The following SAMD13 variants were observed in gnomAD, a reference collection of about 807,000 sequenced individuals.
The protein encoded by SAMD13 is sterile alpha motif domain-containing protein 13.
Under a neutral mutation model 12.4 loss-of-function variants are expected in SAMD13, and 9 were observed. That is an observed-to-expected ratio of 0.72 (90% confidence interval 0.44 to 1.26). The LOEUF (loss-of-function observed/expected upper bound fraction) is 1.26, where lower values mean the gene tolerates loss of function less well. SAMD13 is among the 50% of genes most tolerant of loss of function. The pLI, the probability that SAMD13 is intolerant of heterozygous loss-of-function variation, is 0.00. For synonymous variants in SAMD13, 46 were observed against 45.4 expected, an observed-to-expected ratio of 1.01 and a Z score of -0.05; for missense variants, 84 against 119.6, an observed-to-expected ratio of 0.70 and a Z score of 1.39.
rs1558456209 is a variant in SAMD13, at chr1:84,331,353, A to AT, written c.165+5605_165+5606insT. Among the ~76,000 whole-genome samples, 339 of 104,290 alleles carry AT rather than the reference A, an allele frequency of 3.3e-3. 46 individuals carry two copies. Among genetic ancestry groups the AT allele is most frequent in the African/African-American group, 0.013 (328 of 25,198 alleles). The allele number at this position is 104,290 out of a possible 152,430, so 68.4% of individuals were successfully genotyped here. A position where few individuals can be genotyped will look rare whatever the true frequency, so the allele number is the denominator to read the frequency against. ...TAAAAAAAAAAAAAAAAAAAAAAAA[A>AT]AAAAATTATGGATACAAACTTGTTA... On this transcript the variant is annotated intron_variant, in intron 3 of 3. Coordinates refer to ENST00000394834, the MANE Select transcript of SAMD13 (RefSeq NM_001134663.2).
At chr1:84,300,400 A>G (rs192213631), upstream of SAMD13, among the ~76,000 whole-genome samples, 1,067 of 152,286 alleles carry the variant, frequency 7.0e-3, 22 homozygotes, top group South Asian at 0.038. Context: ...TAAAGAACAA[A>G]TTTTTTGACC....
intron 2 of SAMD13, among the ~76,000 whole-genome samples, chr1:84,315,713 A>G (rs1056262256): frequency 2.6e-5 from 4 of 152,202 alleles, no homozygotes; most frequent in South Asian, 4.1e-4. Context: ...CCTGATTTCA[A>G]TTCCTTTGGA....
chr1:84,333,260 T>G (rs1679228861), intron 3 of SAMD13, among the ~76,000 whole-genome samples: 1 of 152,172 alleles, frequency 6.6e-6, no homozygotes, highest in Admixed American at 6.6e-5. Flanking sequence ...TCATTGGTGG[T>G]TTTATAGAAA....
chr1:84,305,402 T>G (rs1039766543), intron 2 of SAMD13, among the ~76,000 whole-genome samples: 16 of 152,234 alleles, frequency 1.1e-4, no homozygotes, highest in African/African-American at 3.8e-4. Flanking sequence ...GAATATGTCC[T>G]TTATCATATA....
intron 1 of SAMD13, among the ~76,000 whole-genome samples, chr1:84,302,856 A>G (rs1005006914): frequency 3.3e-5 from 5 of 152,086 alleles, no homozygotes; most frequent in Non-Finnish European, 5.9e-5. Context: ...GTTTTTCTCT[A>G]CTTTGACTCA....
chr1:84,339,141 C>T (rs1337372602), intron 3 of SAMD13, among the ~76,000 whole-genome samples: 1 of 152,180 alleles, frequency 6.6e-6, no homozygotes, highest in Admixed American at 6.5e-5. Context: ...ATATGTCTGT[C>T]ATTTCAGCCA....
At chr1:84,337,307 C>T (rs1679321011) in intron 3 of SAMD13, among the ~76,000 whole-genome samples, 1 of 152,198 alleles carries the variant, frequency 6.6e-6, no homozygotes, top group South Asian at 2.1e-4. Context: ...TCCATGAAAG[C>T]CCCACCCTTG....
chr1:84,301,079 C>A (rs1169701219), upstream of SAMD13, among the ~76,000 whole-genome samples: 1 of 152,134 alleles, frequency 6.6e-6, no homozygotes, highest in Non-Finnish European at 1.5e-5. Context: ...AGGATAAATG[C>A]CAAAATAAAA....
intron 3 of SAMD13, among the ~76,000 whole-genome samples, chr1:84,333,675 G>A (rs1277619515): frequency 1.3e-5 from 2 of 152,000 alleles, no homozygotes; most frequent in Non-Finnish European, 2.9e-5. Flanking sequence ...AACAAGAATA[G>A]TTTGAGTTCC....
intron 3 of SAMD13, among the ~76,000 whole-genome samples, chr1:84,341,899 T>C (rs1347577726): frequency 6.6e-6 from 1 of 152,174 alleles, no homozygotes; most frequent in Non-Finnish European, 1.5e-5. Flanking sequence ...CAGTAGTATA[T>C]AATGGCTTAA....
Position 84,302,408 on chromosome 1 carries a change from G to T in SAMD13, c.-33+607G>T, listed in dbSNP as rs557553744. ...TCATTTTGCTAATTGCATATTAATTGTGGAAGGCTTTTAATTTTCCACAGC... is the reference window on the plus strand; with the variant it reads ...TCATTTTGCTAATTGCATATTAATTTTGGAAGGCTTTTAATTTTCCACAGC... On this transcript the variant is annotated intron_variant, in intron 1 of 3. Transcript: ENST00000394834. Among the ~76,000 whole-genome samples the T allele has an allele frequency of 5.1e-5, 7 of 138,104 alleles. 1 individual carries two copies. Among genetic ancestry groups the T allele is most frequent in the South Asian group, 2.4e-4 (1 of 4,232 alleles). The allele number at this position is 138,104 out of a possible 152,430, so 90.6% of individuals were successfully genotyped here. A position where few individuals can be genotyped will look rare whatever the true frequency, so the allele number is the denominator to read the frequency against.
rs559364339 is a variant in SAMD13, at chr1:84,303,435, C to A, written c.53+148C>A. Reference sequence around the variant, plus strand: ...CTGGCCAGCAGCCTCCCTTCTCCCCCCTACCCCAGTTACCTTTTTCTGTAT... The same window carrying A: ...CTGGCCAGCAGCCTCCCTTCTCCCCACTACCCCAGTTACCTTTTTCTGTAT... On this transcript the variant is annotated intron_variant, in intron 2 of 3. Coordinates refer to ENST00000394834, the MANE Select transcript of SAMD13 (RefSeq NM_001134663.2). The A allele has an allele frequency of 8.1e-5, 46 of 569,796 alleles. No homozygotes were observed. In the East Asian group the frequency reaches 9.6e-4, roughly 12 times the overall value. The allele number at this position is 569,796 out of a possible 1,614,324, so 35.3% of individuals were successfully genotyped here.
chr1:84,341,611 A>G (rs892252983), intron 3 of SAMD13, among the ~76,000 whole-genome samples: 1 of 152,138 alleles, frequency 6.6e-6, no homozygotes, highest in Non-Finnish European at 1.5e-5. Context: ...GCTACTTTAT[A>G]GAGGGCTAAT....
intron 3 of SAMD13, among the ~76,000 whole-genome samples, chr1:84,332,086 A>G (rs947539289): frequency 2.6e-5 from 4 of 152,188 alleles, no homozygotes; most frequent in African/African-American, 9.7e-5. Context: ...ATGGCTATGT[A>G]GTATTCCATG....
chr1:84,299,572 T>A, upstream of SAMD13: 1 of 1,489,936 alleles, frequency 6.7e-7, no homozygotes. Flanking sequence ...CTCACATACT[T>A]TATGCTACAT....
At chr1:84,339,647 C>T (rs1033878725) in intron 3 of SAMD13, among the ~76,000 whole-genome samples, 9 of 152,186 alleles carry the variant, frequency 5.9e-5, no homozygotes, top group Non-Finnish European at 1.0e-4. Context: ...GCAACGGGAT[C>T]TGTGCTTGCT....
At chr1:84,346,805 G>A (rs1679544823) in intron 3 of SAMD13, among the ~76,000 whole-genome samples, 1 of 152,170 alleles carries the variant, frequency 6.6e-6, no homozygotes, top group Non-Finnish European at 1.5e-5. Flanking sequence ...TGAAACGAAT[G>A]TTTTATGTAG....
intron 3 of SAMD13, among the ~76,000 whole-genome samples, chr1:84,342,117 A>T (rs1041184269): frequency 2.0e-5 from 3 of 152,178 alleles, no homozygotes; most frequent in Non-Finnish European, 4.4e-5. Flanking sequence ...TGAGAGACGC[A>T]TGCATCATCC....
chr1:84,303,924 T>G (rs948103153), intron 2 of SAMD13: 2 of 152,200 alleles, frequency 1.3e-5, no homozygotes, highest in African/African-American at 4.8e-5. Context: ...TATTTATGAG[T>G]ATATGAAAAA....
Sources: allele counts gnomAD v4.1 joint callset (sites outside exome capture counted in the v4.1 genomes callset), GRCh38; gene constraint gnomAD v4.1.1; transcripts MANE v1.5; gene names NCBI Gene and HGNC (gene_info 2026-07-23, HGNC 2026-07-21).